Variants in DLC1 observed in about 807,000 individuals in gnomAD.
DLC1 encodes the protein rho GTPase-activating protein 7.
A neutral mutation model predicts 140.3 loss-of-function variants in DLC1; 54 were observed. The observed-to-expected ratio is 0.38, with a 90% CI of 0.31 to 0.48. The LOEUF is 0.48. Ranked by LOEUF, DLC1 falls within the 20% of genes least tolerant of loss-of-function variation. DLC1 has a pLI of 0.96. For synonymous variants in DLC1, 986 were observed against 728.1 expected, an observed-to-expected ratio of 1.35 and a Z score of -5.70; for missense variants, 2,536 against 1,907.0, an observed-to-expected ratio of 1.33 and a Z score of -6.14.
intron 5 of DLC1, among the ~76,000 whole-genome samples, chr8:13,122,150 T>C (rs184958780): frequency 6.6e-6 from 1 of 152,290 alleles, no homozygotes; most frequent in African/African-American, 2.4e-5. Flanking sequence ...ATGAAACACA[T>C]ATTTCATTAT....
chr8:13,114,057 C>A (rs1294772766), intron 6 of DLC1, among the ~76,000 whole-genome samples: 1 of 152,144 alleles, frequency 6.6e-6, no homozygotes, highest in African/African-American at 2.4e-5. Context: ...TATAATGAAA[C>A]TCCCATTTAA....
At chr8:13,385,754 G>A (rs1250954009) in intron 4 of DLC1, among the ~76,000 whole-genome samples, 1 of 152,150 alleles carries the variant, frequency 6.6e-6, no homozygotes, top group Non-Finnish European at 1.5e-5. Flanking sequence ...TGTAAACTTT[G>A]TATATTCACA....
chr8:13,354,822 G>C (rs1333819218), intron 4 of DLC1, among the ~76,000 whole-genome samples: 1 of 151,406 alleles, frequency 6.6e-6, no homozygotes, highest in Non-Finnish European at 1.5e-5. Flanking sequence ...GGTGGTACAT[G>C]CCTGTAATCC....
rs1465273303 is a variant in DLC1, at chr8:13,499,448, T to A, written c.624A>T (p.Val208=). The A allele has an allele frequency of 2.5e-6, 4 of 1,613,950 alleles. No individual in the cohort carries two copies. In the African/African-American group the frequency reaches 5.3e-5, roughly 22 times the overall value. The change falls in exon 2 of 18, where the codon GTA becomes GTT. Residue 208 remains valine, a synonymous_variant. Transcript: ENST00000276297. ...TCACGTTCAAAGTATCCACTGCATT[T>A]ACTTTGGGTGCATCTTTTATTTCAC... is the stretch of plus-strand genomic sequence containing the variant. ...SLSEIKDAPK[V]NAVDTLNVKD...
chr8:13,542,918 T>C (rs990112084), intron 1 of DLC1, among the ~76,000 whole-genome samples: 15 of 152,132 alleles, frequency 9.9e-5, no homozygotes, highest in Non-Finnish European at 2.1e-4. Context: ...TTACTGAAGA[T>C]AGTTTTATTT....
At chr8:13,482,787 C>T (rs1343367164) in intron 2 of DLC1, among the ~76,000 whole-genome samples, 2 of 152,148 alleles carry the variant, frequency 1.3e-5, no homozygotes, top group Non-Finnish European at 2.9e-5. Flanking sequence ...TGTCTTCACT[C>T]AATCACTCAT....
At position 13,085,371 on chromosome 8, in the gene DLC1, C is replaced by A; in HGVS notation, c.*440G>T. 1 of 156,198 alleles carries A rather than the reference C, an allele frequency of 6.4e-6. No individual in the cohort carries two copies. The highest frequency in any genetic ancestry group is 1.4e-5 in the Non-Finnish European group (1 of 70,180). 9.7% of individuals were successfully genotyped at this position (156,198 alleles called of 1,614,324 possible). On this transcript the variant is annotated 3_prime_UTR_variant, in exon 18 of 18. Coordinates refer to ENST00000276297, the MANE Select transcript of DLC1 (RefSeq NM_182643.3). ...CACATTCACACTCCTCTGTGCAAAC[C>A]TTTCTTTGCTCATCTTGGTGAGAAA... is the stretch of plus-strand genomic sequence containing the variant.
At chr8:13,086,013 G>T in intron 17 of DLC1, 82 bp from the exon 18 acceptor site, 6 of 1,557,822 alleles carry the variant, frequency 3.9e-6, no homozygotes, top group Non-Finnish European at 5.2e-6. Flanking sequence ...CTGTTTGCTA[G>T]TTCAAATGCA....
intron 1 of DLC1, among the ~76,000 whole-genome samples, chr8:13,513,982 C>G (rs1048025352): frequency 1.3e-5 from 2 of 151,782 alleles, no homozygotes; most frequent in Admixed American, 1.3e-4. Flanking sequence ...ATTTCCAAAA[C>G]TCAGATTAAA....
chr8:13,574,612 AAT>A (rs1224667969), intron 1 of DLC1, among the ~76,000 whole-genome samples: 5 of 152,110 alleles, frequency 3.3e-5, no homozygotes, highest in African/African-American at 1.2e-4. Context: ...ATATGATTAT[AAT>A]ATATACATAA....
intron 5 of DLC1, among the ~76,000 whole-genome samples, chr8:13,142,243 T>C (rs1823058718): frequency 6.6e-6 from 1 of 152,234 alleles, no homozygotes; most frequent in African/African-American, 2.4e-5. Context: ...CTTGGGTATT[T>C]CTTTATAGCA....
chr8:13,535,651 G>A (rs557455827), intron 1 of DLC1, among the ~76,000 whole-genome samples: 15 of 141,174 alleles, frequency 1.1e-4, no homozygotes, highest in African/African-American at 2.4e-4. Context: ...AAGTGAGGGC[G>A]TGGGGATCAT....
chr8:13,329,476 T>A (rs562824352), intron 4 of DLC1, among the ~76,000 whole-genome samples: 3 of 152,180 alleles, frequency 2.0e-5, no homozygotes, highest in Admixed American at 6.5e-5. Context: ...AGTCATCACC[T>A]AATCTATATA....
At chr8:13,098,812 C>G (rs935472019) in intron 9 of DLC1, among the ~76,000 whole-genome samples, 15 of 152,026 alleles carry the variant, frequency 9.9e-5, no homozygotes, top group African/African-American at 3.6e-4. Flanking sequence ...GATAGAGTCT[C>G]CCTATGTTGT....
intron 1 of DLC1, among the ~76,000 whole-genome samples, chr8:13,529,169 A>T (rs1464605239): frequency 6.6e-6 from 1 of 152,202 alleles, no homozygotes; most frequent in Admixed American, 6.5e-5. Flanking sequence ...TTTTATTACC[A>T]TTAAGCTACT....
chr8:13,265,533 C>T (rs996554037), intron 5 of DLC1, among the ~76,000 whole-genome samples: 9 of 152,092 alleles, frequency 5.9e-5, no homozygotes, highest in Admixed American at 1.3e-4. Flanking sequence ...AATGAGAGCT[C>T]GGAATGTGTG....
At chr8:13,385,912 C>T (rs1477617600) in intron 4 of DLC1, among the ~76,000 whole-genome samples, 3 of 152,122 alleles carry the variant, frequency 2.0e-5, no homozygotes, top group Admixed American at 6.5e-5. Context: ...GTAATTAGAG[C>T]TTGGAGACAA....
At chr8:13,349,312 G>T (rs1834522243) in intron 4 of DLC1, among the ~76,000 whole-genome samples, 1 of 152,002 alleles carries the variant, frequency 6.6e-6, no homozygotes, top group African/African-American at 2.4e-5. Context: ...AAAGTGTTTA[G>T]GTCCTTCTGG....
At chr8:13,423,956 G>C (rs538494672) in intron 2 of DLC1, among the ~76,000 whole-genome samples, 24 of 152,214 alleles carry the variant, frequency 1.6e-4, no homozygotes, top group African/African-American at 5.8e-4. Context: ...TTAAGATTCT[G>C]TTATTTGCTC....
Sources: gnomAD v4.1 joint callset for allele counts (sites outside exome capture counted in the v4.1 genomes callset) on GRCh38, gnomAD v4.1.1 for gene constraint, MANE v1.5 for transcripts, NCBI Gene and HGNC (gene_info 2026-07-23, HGNC 2026-07-21) for gene names.